INO80: variants seen among roughly 807,000 people sequenced by gnomAD.
INO80 encodes chromatin-remodeling ATPase INO80.
A neutral mutation model predicts 203.4 loss-of-function variants in INO80; 20 were observed. The ratio of observed to expected loss-of-function variants is 0.10; its 90% CI spans 0.07 to 0.14. The LOEUF is 0.14. INO80 is among the 10% of genes least tolerant of loss of function. The pLI, the probability that INO80 is intolerant of heterozygous loss-of-function variation, is 1.00. For synonymous variants in INO80, 726 were observed against 685.2 expected, an observed-to-expected ratio of 1.06 and a Z score of -0.93; for missense variants, 1,419 against 1,914.4, an observed-to-expected ratio of 0.74 and a Z score of 4.83.
At chr15:41,024,341 G>C (rs1002144887) in intron 25 of INO80, 1 of 152,158 alleles carries the variant, frequency 6.6e-6, no homozygotes, top group Non-Finnish European at 1.5e-5. Context: ...AGTAAATCCT[G>C]CTTTCTAAGT....
intron 5 of INO80, among the ~76,000 whole-genome samples, chr15:41,090,925 CT>C (rs60647460): frequency 2.5e-3 from 307 of 124,440 alleles, no homozygotes; most frequent in South Asian, 4.1e-3. Flanking sequence ...TTTAGAAATT[CT>C]TTTTTTTTTT....
intron 11 of INO80, among the ~76,000 whole-genome samples, chr15:41,072,848 T>TC (rs2045345002): frequency 6.6e-6 from 1 of 151,312 alleles, no homozygotes; most frequent in African/African-American, 2.4e-5. Flanking sequence ...TGGCACAATC[T>TC]CGGCTCACAG....
intron 9 of INO80, among the ~76,000 whole-genome samples, chr15:41,076,444 T>C (rs2045403971): frequency 1.3e-5 from 2 of 149,772 alleles, no homozygotes; most frequent in Admixed American, 1.3e-4. Context: ...ATAGACTGAA[T>C]ACACATACAT....
At chr15:41,060,374 A>C (rs1295569544) in intron 14 of INO80, among the ~76,000 whole-genome samples, 1 of 152,082 alleles carries the variant, frequency 6.6e-6, no homozygotes, top group East Asian at 1.9e-4. Flanking sequence ...GGATCACCTG[A>C]GGTCAGGAGT....
chr15:41,003,864 A>T (rs955922860), intron 28 of INO80, among the ~76,000 whole-genome samples: 1 of 152,224 alleles, frequency 6.6e-6, no homozygotes, highest in Non-Finnish European at 1.5e-5. Context: ...GTATGCCCAC[A>T]TCACAGATAT....
At chr15:40,981,400 C>G (rs1893823996) in intron 35 of INO80, among the ~76,000 whole-genome samples, 1 of 152,206 alleles carries the variant, frequency 6.6e-6, no homozygotes, top group African/African-American at 2.4e-5. Flanking sequence ...ACTGGCATGA[C>G]TGTTGTTTTC....
chr15:41,021,145 T>A lies in INO80; in HGVS notation c.3049-20A>T, dbSNP rs1416484390. 1 of 1,557,878 alleles carries A rather than the reference T, an allele frequency of 6.4e-7. No homozygotes were observed. Among genetic ancestry groups the A allele is most frequent in the Non-Finnish European group, 8.9e-7 (1 of 1,128,862 alleles). On this transcript the variant is annotated intron_variant, in intron 25 of 35. Transcript: ENST00000648947. The stretch of plus-strand genomic sequence containing the variant: ...GGTAACCTGCAGTTAAAGATTCACA[T>A]GAGATGGCTCTTTCACGTTGTCCAT...
intron 19 of INO80, among the ~76,000 whole-genome samples, chr15:41,052,007 T>C (rs894156249): frequency 2.0e-5 from 3 of 151,940 alleles, no homozygotes; most frequent in Non-Finnish European, 4.4e-5. Flanking sequence ...GGCATGGTGG[T>C]GTGCACCTAT....
At chr15:41,047,560 A>ACTG in intron 22 of INO80, 59 bp from the exon 23 acceptor site, 2 of 1,180,082 alleles carry the variant, frequency 1.7e-6, no homozygotes, top group Non-Finnish European at 2.5e-6. Context: ...TGCTCAGTTA[A>ACTG]AGCCTGCTCA....
chr15:41,020,534 A>G (rs1397066656), intron 26 of INO80, among the ~76,000 whole-genome samples: 2 of 152,236 alleles, frequency 1.3e-5, no homozygotes, highest in East Asian at 1.9e-4. Flanking sequence ...TGCTATTTAA[A>G]TGAGGCTTTC....
intron 21 of INO80, among the ~76,000 whole-genome samples, chr15:41,048,908 A>G (rs1453639726): frequency 1.3e-5 from 2 of 152,240 alleles, no homozygotes; most frequent in African/African-American, 4.8e-5. Context: ...TGACTCTGAG[A>G]AAAAGGTAAA....
intron 12 of INO80, among the ~76,000 whole-genome samples, chr15:41,071,453 T>C (rs2045314699): frequency 7.0e-6 from 1 of 143,564 alleles, no homozygotes; most frequent in Non-Finnish European, 1.5e-5. Flanking sequence ...ATTTCCTTTT[T>C]TTTTTTTTTT....
intron 1 of INO80, among the ~76,000 whole-genome samples, chr15:41,100,448 A>G (rs1025698793): frequency 1.3e-5 from 2 of 152,220 alleles, no homozygotes; most frequent in Non-Finnish European, 1.5e-5. Flanking sequence ...TTGTTGAAGA[A>G]AGATCACAGT....
intron 35 of INO80, among the ~76,000 whole-genome samples, chr15:40,982,083 T>C (rs956035461): frequency 2.0e-5 from 3 of 152,234 alleles, no homozygotes; most frequent in Non-Finnish European, 2.9e-5. Flanking sequence ...GAGTACTGCA[T>C]GCATGGCTTC....
chr15:41,089,801 T>C (rs2045608978), intron 5 of INO80, among the ~76,000 whole-genome samples: 2 of 150,954 alleles, frequency 1.3e-5, no homozygotes, highest in Non-Finnish European at 2.9e-5. Flanking sequence ...ATTCAAATAG[T>C]TGTCACTCAA....
At chr15:41,028,196 C>G (rs1487258437) in intron 24 of INO80, among the ~76,000 whole-genome samples, 7 of 151,940 alleles carry the variant, frequency 4.6e-5, no homozygotes, top group Admixed American at 2.6e-4. Context: ...AGTACAGTGG[C>G]ATGACCTCAG....
At chr15:40,998,402 T>C (rs1477979597) in intron 28 of INO80, among the ~76,000 whole-genome samples, 1 of 152,146 alleles carries the variant, frequency 6.6e-6, no homozygotes, top group Non-Finnish European at 1.5e-5. Context: ...GTGACTTTTA[T>C]GTGCTAACTT....
intron 28 of INO80, among the ~76,000 whole-genome samples, chr15:40,998,895 T>C (rs944211403): frequency 6.6e-6 from 1 of 151,918 alleles, no homozygotes; most frequent in Non-Finnish European, 1.5e-5. Context: ...CCTCAGGTGA[T>C]GCACGTGCCT....
At chr15:41,100,975 G>A (rs1427921461) in intron 1 of INO80, among the ~76,000 whole-genome samples, 6 of 151,554 alleles carry the variant, frequency 4.0e-5, no homozygotes, top group East Asian at 1.9e-4. Flanking sequence ...GACTACAGGC[G>A]CACCCCACCA....
Sources: gnomAD v4.1 joint callset for allele counts (sites outside exome capture counted in the v4.1 genomes callset) on GRCh38, gnomAD v4.1.1 for gene constraint, MANE v1.5 for transcripts, NCBI Gene and HGNC (gene_info 2026-07-23, HGNC 2026-07-21) for gene names.